The following OPCML variants were observed in gnomAD, a reference collection of about 807,000 sequenced individuals.
OPCML encodes opioid binding protein/cell adhesion molecule like.
In OPCML, 13 loss-of-function variants were observed where a neutral mutation model predicts 37.8. The observed-to-expected ratio is 0.34, with a 90% CI of 0.22 to 0.55. The LOEUF (loss-of-function observed/expected upper bound fraction) is 0.55. OPCML is among the 20% of genes least tolerant of loss of function. The pLI is 0.91. For synonymous variants in OPCML, 176 were observed against 168.8 expected (o/e 1.04, Z -0.33); for missense variants, 341 against 435.6 (o/e 0.78, Z 1.93).
intron 2 of OPCML, among the ~76,000 whole-genome samples, chr11:132,919,483 C>A (rs867764372): frequency 2.6e-5 from 4 of 152,308 alleles, no homozygotes; most frequent in Middle Eastern, 3.4e-3. Context: ...TAGGTGGAAT[C>A]TGTTCTCAGG....
At chr11:132,976,071 A>T (rs920596109) in intron 1 of OPCML, among the ~76,000 whole-genome samples, 1 of 152,230 alleles carries the variant, frequency 6.6e-6, no homozygotes, top group Non-Finnish European at 1.5e-5. Context: ...TCAAAGATTT[A>T]CTGATATCTG....
chr11:132,419,563 T>A lies in OPCML; in HGVS notation c.*630A>T, dbSNP rs2095950261. ...GCCCCAAACTTCAAATCTCTGCAGA[T>A]GGTGGAAGGAATGAGTAGAGCGGAG... On this transcript the variant is annotated 3_prime_UTR_variant, in exon 8 of 8. Transcript: ENST00000524381. 1 of 152,090 alleles carries A rather than the reference T, an allele frequency of 6.6e-6. No individual in the cohort carries two copies. The highest frequency in any genetic ancestry group is 1.5e-5 in the Non-Finnish European group (1 of 68,022). The allele number at this position is 152,090 out of a possible 1,614,324, so 9.4% of individuals were successfully genotyped here. A position where few individuals can be genotyped will look rare whatever the true frequency, so the allele number is the denominator to read the frequency against.
At position 133,332,960 on chromosome 11, in the gene OPCML, C is replaced by G. The variant is rs146844393; in HGVS notation, c.61+199304G>C. Among the ~76,000 whole-genome samples, 236 of 152,274 alleles carry G rather than the reference C, an allele frequency of 1.5e-3. 6 individuals carry two copies. Among genetic ancestry groups the G allele is most frequent in the Middle Eastern group, 0.014 (4 of 292 alleles). The stretch of plus-strand genomic sequence containing the variant: ...AGCATGCTACTGGTACAAAAACAGG[C>G]ACACAGACCAATGGAACAGAATAGA... On this transcript the variant is annotated intron_variant, in intron 1 of 7. Transcript: ENST00000524381.
chr11:133,328,419 A>G (rs539986174), intron 1 of OPCML, among the ~76,000 whole-genome samples: 95 of 152,288 alleles, frequency 6.2e-4, no homozygotes, highest in African/African-American at 2.1e-3. Context: ...CGGCCTCCCA[A>G]TGGGCTGGGA....
intron 2 of OPCML, among the ~76,000 whole-genome samples, chr11:132,874,928 G>A (rs1292092831): frequency 6.6e-6 from 1 of 152,078 alleles, no homozygotes; most frequent in East Asian, 1.9e-4. Context: ...TCTAACCTCA[G>A]CTCCTCACCA....
chr11:133,369,760 A>C lies in OPCML; in HGVS notation c.61+162504T>G, dbSNP rs577141405. Among the ~76,000 whole-genome samples, 5 of 152,234 alleles carry C rather than the reference A, an allele frequency of 3.3e-5. No individual in the cohort carries two copies. The South Asian group carries it at 6.2e-4, about 19-fold the overall frequency. ...CACACACACCATTATCAATTTCTTA[A>C]GCTTTCTAGTATAGTAAATAAAACA... On this transcript the variant is annotated intron_variant, in intron 1 of 7. Coordinates refer to ENST00000524381, the MANE Select transcript of OPCML (RefSeq NM_001012393.5).
At chr11:133,519,348 T>A (rs1415406831) in intron 1 of OPCML, among the ~76,000 whole-genome samples, 1 of 152,144 alleles carries the variant, frequency 6.6e-6, no homozygotes, top group African/African-American at 2.4e-5. Flanking sequence ...AATTTATTTG[T>A]GAAAAATAAA....
intron 1 of OPCML, among the ~76,000 whole-genome samples, chr11:132,990,142 T>C (rs1946749816): frequency 6.6e-6 from 1 of 152,206 alleles, no homozygotes; most frequent in Non-Finnish European, 1.5e-5. Flanking sequence ...TAACCATGAC[T>C]GAAAGCAGGC....
At chr11:132,624,882 A>G (rs926264166) in intron 3 of OPCML, among the ~76,000 whole-genome samples, 2 of 152,188 alleles carry the variant, frequency 1.3e-5, no homozygotes, top group Non-Finnish European at 2.9e-5. Flanking sequence ...GCACAGCAAC[A>G]GGACATCCAG....
rs114508561 is a variant in OPCML, at chr11:133,248,357, T to A, written c.61+283907A>T. ...AGGTGGGACACCTCTTTGGCTAAGG[T>A]GGGAAGGAAGACGCAGAGTAGACAA... On this transcript the variant is annotated intron_variant, in intron 1 of 7. Transcript: ENST00000524381. 3.3e-3 allele frequency among the ~76,000 whole-genome samples: 502 copies of A among 152,190 alleles called. 2 individuals carry two copies. The highest frequency in any genetic ancestry group is 0.012 in the African/African-American group (488 of 41,514).
intron 1 of OPCML, among the ~76,000 whole-genome samples, chr11:133,486,433 C>T (rs1373923992): frequency 6.6e-6 from 1 of 152,178 alleles, no homozygotes; most frequent in Non-Finnish European, 1.5e-5. Context: ...CAACTTCCTA[C>T]ACAGTAGCCA....
chr11:133,133,646 C>T (rs943963184), intron 1 of OPCML, among the ~76,000 whole-genome samples: 1 of 152,118 alleles, frequency 6.6e-6, no homozygotes, highest in African/African-American at 2.4e-5. Context: ...CTACAGAATC[C>T]ACCCTCCCTT....
chr11:132,423,109 A>T (rs1246953506), intron 7 of OPCML, among the ~76,000 whole-genome samples: 1 of 152,186 alleles, frequency 6.6e-6, no homozygotes, highest in East Asian at 1.9e-4. Flanking sequence ...AGTTGAAAGA[A>T]AACCGTCAAC....
chr11:133,184,469 C>T (rs113752995), intron 1 of OPCML, among the ~76,000 whole-genome samples: 6,186 of 152,176 alleles, frequency 0.041, 204 homozygotes, highest in African/African-American at 0.097. Context: ...AGAGAAAGGA[C>T]CTTCCGTGGG....
intron 1 of OPCML, among the ~76,000 whole-genome samples, chr11:133,092,698 C>A (rs1948926679): frequency 6.6e-6 from 1 of 152,190 alleles, no homozygotes; most frequent in Non-Finnish European, 1.5e-5. Context: ...TGCACTCCAG[C>A]CTGAACAACA....
At chr11:132,487,593 C>T in intron 4 of OPCML, among the ~76,000 whole-genome samples, 1 of 152,180 alleles carries the variant, frequency 6.6e-6, no homozygotes, top group East Asian at 1.9e-4. Flanking sequence ...TTAGTAGACT[C>T]TCCTCTCCCT....
chr11:133,348,192 C>G (rs1349781895), intron 1 of OPCML, among the ~76,000 whole-genome samples: 2 of 152,174 alleles, frequency 1.3e-5, no homozygotes, highest in Non-Finnish European at 2.9e-5. Context: ...TGACCATTCA[C>G]TAAATGTTCC....
chr11:132,491,828 C>T (rs188995990), intron 4 of OPCML, among the ~76,000 whole-genome samples: 2 of 151,436 alleles, frequency 1.3e-5, no homozygotes, highest in East Asian at 3.9e-4. Context: ...TATGCTGGGA[C>T]AGTAGGTGTT....
chr11:132,914,075 C>T (rs1944523314), intron 2 of OPCML, among the ~76,000 whole-genome samples: 1 of 152,220 alleles, frequency 6.6e-6, no homozygotes, highest in African/African-American at 2.4e-5. Context: ...ACTGCTCTCA[C>T]AAAACAAGTT....
Sources: gnomAD v4.1 joint callset for allele counts (sites outside exome capture counted in the v4.1 genomes callset) on GRCh38, gnomAD v4.1.1 for gene constraint, MANE v1.5 for transcripts, NCBI Gene and HGNC (gene_info 2026-07-23, HGNC 2026-07-21) for gene names.